The following FBXL2 variants were observed in gnomAD, a reference collection of about 807,000 sequenced individuals.
FBXL2 encodes the protein F-box/LRR-repeat protein 2.
A neutral mutation model predicts 69.2 loss-of-function variants in FBXL2; 38 were observed. That is an observed-to-expected ratio of 0.55 (90% CI 0.42 to 0.72). The LOEUF is 0.72. Ranked by LOEUF, FBXL2 falls within the 30% of genes least tolerant of loss-of-function variation. The pLI is 0.00. For synonymous variants in FBXL2, 192 were observed against 201.3 expected, an observed-to-expected ratio of 0.95 and a Z score of 0.39; for missense variants, 354 against 520.3, an observed-to-expected ratio of 0.68 and a Z score of 3.11.
the FBXL2 span, among the ~76,000 whole-genome samples, chr3:33,418,860 CAAAAAAAA>C: frequency 1.3e-4 from 10 of 76,768 alleles, no homozygotes; most frequent in Non-Finnish European, 2.0e-4. Flanking sequence ...ACTCTGTCTC[CAAAAAAAA>C]AAAAAAAAAA....
intron 2 of FBXL2, among the ~76,000 whole-genome samples, chr3:33,332,579 T>G (rs1490732979): frequency 6.6e-6 from 1 of 152,242 alleles, no homozygotes; most frequent in Non-Finnish European, 1.5e-5. Flanking sequence ...ATGCGTCACT[T>G]GACAGTGGAG....
At chr3:33,331,321 G>T (rs939994876) in intron 2 of FBXL2, among the ~76,000 whole-genome samples, 4 of 152,062 alleles carry the variant, frequency 2.6e-5, no homozygotes, top group African/African-American at 9.7e-5. Context: ...TAACATTCCA[G>T]TTACAGGTAT....
In FBXL2 at chr3:33,352,188, A is replaced by T. The variant is rs114557631; in HGVS notation, c.66-6779A>T. Among the ~76,000 whole-genome samples, 161 of 152,294 alleles carry T rather than the reference A, an allele frequency of 1.1e-3. 1 individual carries two copies. The highest frequency in any genetic ancestry group is 3.8e-3 in the African/African-American group (156 of 41,586). On this transcript the variant is annotated intron_variant, in intron 2 of 14. Transcript: ENST00000484457. ...GTAGAGCCACATAAATAGTCAACTG[A>T]TCTTTGACAAAGGAGCAAAAGCAAG... is the stretch of plus-strand genomic sequence containing the variant.
At chr3:33,279,273 CTTT>C (rs1013591676) in intron 1 of FBXL2, among the ~76,000 whole-genome samples, 1 of 142,292 alleles carries the variant, frequency 7.0e-6, no homozygotes. Context: ...AAACTGTATT[CTTT>C]TTTTTTTTTT....
intron 13 of FBXL2, among the ~76,000 whole-genome samples, chr3:33,380,608 A>G (rs988834206): frequency 2.0e-5 from 3 of 151,078 alleles, no homozygotes; most frequent in African/African-American, 7.3e-5. Context: ...CCCAGTTGCC[A>G]TGTTCCCTAC....
Position 33,364,759 on chromosome 3 carries a change from A to G in FBXL2, c.290+40A>G, listed in dbSNP as rs367723920. The G allele has an allele frequency of 1.1e-5, 17 of 1,522,526 alleles. No individual in the cohort carries two copies. The African/African-American group carries it at 1.8e-4, about 16-fold the overall frequency. 94.3% of individuals were successfully genotyped at this position (1,522,526 alleles called of 1,614,324 possible). A position where few individuals can be genotyped will look rare whatever the true frequency, so the allele number is the denominator to read the frequency against. ...GTGACTCACTGTCATGGCAGCTTGT[A>G]GCATTTTCATCAGCAAAAATAAACC... On this transcript the variant is annotated intron_variant, in intron 5 of 14. Coordinates refer to ENST00000484457, the MANE Select transcript of FBXL2 (RefSeq NM_012157.5).
At chr3:33,320,664 A>G (rs2038119632) in intron 2 of FBXL2, among the ~76,000 whole-genome samples, 1 of 151,976 alleles carries the variant, frequency 6.6e-6, no homozygotes, top group South Asian at 2.1e-4. Context: ...TATTTTTAGT[A>G]GAGACGGGGT....
chr3:33,408,441 T>C (rs149682507), downstream of FBXL2, among the ~76,000 whole-genome samples: 559 of 152,118 alleles, frequency 3.7e-3, 3 homozygotes, highest in African/African-American at 0.011. Flanking sequence ...TATCTCTGAG[T>C]GTCTTTTTTT....
chr3:33,282,803 G>A (rs542220912), intron 1 of FBXL2, among the ~76,000 whole-genome samples: 1 of 152,192 alleles, frequency 6.6e-6, no homozygotes. Context: ...TATTCTCTTT[G>A]AAACAATTGT....
intron 3 of FBXL2, 52 bp from the exon 4 acceptor site, chr3:33,359,231 T>C: frequency 1.4e-6 from 2 of 1,478,644 alleles, no homozygotes; most frequent in Non-Finnish European, 1.9e-6. Context: ...ATAGTCTCAA[T>C]AAATGTGTTT....
intron 1 of FBXL2, among the ~76,000 whole-genome samples, chr3:33,288,611 A>G (rs1242589218): frequency 6.6e-6 from 1 of 152,236 alleles, no homozygotes; most frequent in Non-Finnish European, 1.5e-5. Flanking sequence ...AAGAGAGGGC[A>G]CTACTCAAAG....
intron 2 of FBXL2, among the ~76,000 whole-genome samples, chr3:33,318,038 A>G (rs773572149): frequency 6.6e-5 from 10 of 152,050 alleles, no homozygotes; most frequent in African/African-American, 1.9e-4. Flanking sequence ...TGTTTTTTTG[A>G]CAGAATTTAA....
chr3:33,287,552 T>G (rs1461834776), intron 1 of FBXL2, among the ~76,000 whole-genome samples: 3 of 152,180 alleles, frequency 2.0e-5, no homozygotes. Flanking sequence ...CTCAGCTCAC[T>G]GCAACTTCGA....
At chr3:33,407,414 C>A (rs970154692), downstream of FBXL2, among the ~76,000 whole-genome samples, 1 of 152,058 alleles carries the variant, frequency 6.6e-6, no homozygotes, top group Non-Finnish European at 1.5e-5. Flanking sequence ...GAATCCCCCC[C>A]AAAGAAGTTT....
intron 1 of FBXL2, among the ~76,000 whole-genome samples, chr3:33,289,035 A>G (rs746698951): frequency 2.6e-5 from 4 of 152,126 alleles, no homozygotes; most frequent in Non-Finnish European, 4.4e-5. Context: ...AGACCATGGA[A>G]GGAGAAAGTT....
intron 12 of FBXL2, among the ~76,000 whole-genome samples, chr3:33,399,028 T>G (rs1287334170): frequency 6.6e-6 from 1 of 152,240 alleles, no homozygotes; most frequent in African/African-American, 2.4e-5. Context: ...TTACAATACG[T>G]GGCATAGTAA....
rs921668576 is a variant in FBXL2, at chr3:33,386,887, T to TGAAG, written c.*1281_*1284dup. 18 of 152,104 alleles carry TGAAG rather than the reference T, an allele frequency of 1.2e-4. No individual in the cohort carries two copies. Among genetic ancestry groups the TGAAG allele is most frequent in the African/African-American group, 4.3e-4 (18 of 41,424 alleles). 9.4% of individuals were successfully genotyped at this position (152,104 alleles called of 1,614,324 possible). A position where few individuals can be genotyped will look rare whatever the true frequency, so the allele number is the denominator to read the frequency against. Reference sequence around the variant, plus strand: ...CTTCCAAACAACCACTCCCCCAAACTGAAGGGCCAGAGCTCATGAGAAACT... The same window carrying TGAAG: ...CTTCCAAACAACCACTCCCCCAAACTGAAGGAAGGGCCAGAGCTCATGAGAAACT... On this transcript the variant is annotated 3_prime_UTR_variant, in exon 15 of 15. Transcript: ENST00000484457.
intron 13 of FBXL2, among the ~76,000 whole-genome samples, chr3:33,379,208 G>T (rs113136279): frequency 0.024 from 3,679 of 151,834 alleles, 74 homozygotes; most frequent in Admixed American, 0.057. Flanking sequence ...CACCATGTTG[G>T]CCAGGCTGGT....
Position 33,384,123 on chromosome 3 carries a change from A to G in FBXL2, c.1086A>G (p.Leu362=), listed in dbSNP as rs1258132552. The G allele has an allele frequency of 6.2e-7, 1 of 1,614,120 alleles. No individual in the cohort carries two copies. Among genetic ancestry groups the G allele is most frequent in the Non-Finnish European group, 8.5e-7 (1 of 1,180,024 alleles). Residue 362 remains leucine, a synonymous_variant, in exon 14 of 15, where the codon CTA becomes CTG. Transcript: ENST00000484457. ...LLITDVALEH[L]ENCRGLERLE... is the part of the protein sequence containing the mutation. Reference sequence around the variant, plus strand: ...TCACTGATGTGGCCCTGGAACACCTAGAGAACTGCCGAGGCCTGGAGCGCC... The same window carrying G: ...TCACTGATGTGGCCCTGGAACACCTGGAGAACTGCCGAGGCCTGGAGCGCC...
Sources: allele counts gnomAD v4.1 joint callset (sites outside exome capture counted in the v4.1 genomes callset), GRCh38; gene constraint gnomAD v4.1.1; transcripts MANE v1.5; gene names NCBI Gene and HGNC (gene_info 2026-07-23, HGNC 2026-07-21).